Variants in DOCK6 observed in about 807,000 individuals in gnomAD.
DOCK6 encodes dedicator of cytokinesis protein 6.
DOCK6 carries 167 observed loss-of-function variants against 230.3 expected under a neutral mutation model. The observed-to-expected ratio is 0.73, with a 90% CI of 0.64 to 0.82. The LOEUF (loss-of-function observed/expected upper bound fraction) is 0.82, where lower values mean the gene tolerates loss of function less well. Ranked by LOEUF, DOCK6 falls within the 40% of genes least tolerant of loss-of-function variation. DOCK6 has a pLI of 0.00. For synonymous variants in DOCK6, 1,148 were observed against 1,185.0 expected, an observed-to-expected ratio of 0.97 and a Z score of 0.64; for missense variants, 2,598 against 2,825.8, an observed-to-expected ratio of 0.92 and a Z score of 1.83.
Position 11,237,706 on chromosome 19 carries a change from T to C in DOCK6, c.1906A>G (p.Thr636Ala). ...CVTENHHLLF[T>A]FYHVSCQPRP... ...GGCTGGCAGCTGACATGGTAGAAGG[T>C]GAACAGCAGGTGATGGTTCTCTGTC... The change falls in exon 17 of 48, where the codon ACC (threonine) becomes GCC (alanine). Residue 636 changes from threonine to alanine, a missense_variant. Transcript: ENST00000294618. The C allele has an allele frequency of 1.9e-6, 3 of 1,589,908 alleles. No individual in the cohort carries two copies. The highest frequency in any genetic ancestry group is 1.7e-6 in the Non-Finnish European group (2 of 1,168,920).
chr19:11,259,577 A>G lies in DOCK6; in HGVS notation c.44+2820T>C, dbSNP rs1336237038. ...TTTTCTTTTTTTTTTTTTTTTTTTG[A>G]GATGGAGTCTCGCTCTGTCGCTCAG... On this transcript the variant is annotated intron_variant, in intron 1 of 47. Coordinates refer to ENST00000294618, the MANE Select transcript of DOCK6 (RefSeq NM_020812.4). Among the ~76,000 whole-genome samples the G allele has an allele frequency of 9.0e-4, 21 of 23,210 alleles. No homozygotes were observed. In the South Asian group the frequency reaches 0.022, roughly 25 times the overall value. The allele number at this position is 23,210 out of a possible 152,430, so 15.2% of individuals were successfully genotyped here.
Position 11,217,092 on chromosome 19 carries a change from G to T in DOCK6, c.3716C>A (p.Ser1239Tyr). 6.2e-7 allele frequency: 1 copy of T among 1,611,270 alleles called. No homozygotes were observed. Among genetic ancestry groups the T allele is most frequent in the South Asian group, 1.1e-5 (1 of 90,916 alleles). The change falls in exon 30 of 48, where the codon TCT (serine) becomes TAT (tyrosine). Residue 1239 changes from serine (S) to tyrosine (Y), a missense_variant. Physicochemically the swap from Ser to Tyr is moderately radical, Grantham distance 144. Coordinates refer to ENST00000294618, the MANE Select transcript of DOCK6 (RefSeq NM_020812.4). ...ASISQGPPTASRAGCALSAES... is the reference protein window; with the variant it reads ...ASISQGPPTAYRAGCALSAES... ...AGCAGAGAGGGCACAGCCTGCGCGA[G>T]AAGCCTGGGGCCAGAGAGGAATCAA...
chr19:11,243,560 C>G lies in DOCK6; in HGVS notation c.1255G>C (p.Gly419Arg), dbSNP rs1009629543. The G allele has an allele frequency of 6.2e-7, 1 of 1,601,778 alleles. No individual in the cohort carries two copies. Among genetic ancestry groups the G allele is most frequent in the East Asian group, 2.3e-5 (1 of 44,242 alleles). The change falls in exon 11 of 48, where the codon GGC becomes CGC. Residue 419 changes from glycine (G) to arginine (R), a missense_variant. Transcript: ENST00000294618. The surrounding 1 kb of genome is among the most constrained non-coding windows in gnomAD (Gnocchi z 6.3). ...GQLDRDSDSE[G>R]ERRPAWTDRR... ...CCTGTTAGCCCCGCCTCCTCACCGC[C>G]CTCCGAGTCAGAGTCCCGGTCCAGC... is the stretch of plus-strand genomic sequence containing the variant.
At chr19:11,225,506 G>C (rs8101802) in intron 24 of DOCK6, among the ~76,000 whole-genome samples, 49,590 of 151,566 alleles carry the variant, frequency 0.33, 12,403 homozygotes, top group African/African-American at 0.7. Context: ...GGGAACATAG[G>C]AAGACCCCAT....
In DOCK6 at chr19:11,214,585, C is replaced by T. The variant is rs896685523; in HGVS notation, c.4171G>A (p.Val1391Met). The T allele has an allele frequency of 6.2e-7, 1 of 1,613,914 alleles. No individual in the cohort carries two copies. The highest frequency in any genetic ancestry group is 8.5e-7 in the Non-Finnish European group (1 of 1,179,900). The stretch of plus-strand genomic sequence containing the variant: ...ATGATCTCCAGTGTGTCCAGAACCA[C>T]TAGGCTTGCCTCGGTTGCCAGGTTC... ...EGNLATEASL[V>M]VLDTLEIIVQ... Residue 1391 changes from valine (V) to methionine (M), a missense_variant, in exon 33 of 48, where the codon GTG becomes ATG. Transcript: ENST00000294618.
intron 32 of DOCK6, 89 bp from the exon 33 acceptor site, chr19:11,214,738 G>A (rs907849681): frequency 4.1e-6 from 5 of 1,225,776 alleles, no homozygotes; most frequent in Non-Finnish European, 5.9e-6. Context: ...CAGCCCAGGG[G>A]GCACTGGCTC....
At position 11,201,925 on chromosome 19, in the gene DOCK6, G is replaced by A. The variant is rs773952355; in HGVS notation, c.5652C>T (p.Tyr1884=). ...GGCACACACGGATGCGAGTCTTGAT[G>A]TAGGGGAAGGCGTGGTCGGTGCTGA... is the stretch of plus-strand genomic sequence containing the variant. The part of the protein sequence containing the change: ...TLLSTDHAFP[Y]IKTRIRVCHR... Residue 1884 remains tyrosine, a synonymous_variant, in exon 44 of 48, where the codon TAC becomes TAT. Transcript: ENST00000294618. This position sits in a 1 kb window ranked among gnomAD's most constrained non-coding sequence, Gnocchi z 4.3. 3.8e-6 allele frequency: 6 copies of A among 1,597,904 alleles called. No individual in the cohort carries two copies. In the East Asian group the frequency reaches 9.1e-5, roughly 24 times the overall value.
rs991335566 is a variant in DOCK6 at position 11,252,869 on chromosome 19, G to T, written c.222C>A (p.Asp74Glu). ...AGTCATCAGCTGGGAATTCTACCAG[G>T]TCCCTGAGGGGCCCGGGCTCAGCAT... ...PPDAEPGPLR[D>E]LVEFPADDLE... The change falls in exon 3 of 48, where the codon GAC becomes GAA. Residue 74 changes from aspartate (D) to glutamate (E), a missense_variant. Coordinates refer to ENST00000294618, the MANE Select transcript of DOCK6 (RefSeq NM_020812.4). 2.5e-6 allele frequency: 4 copies of T among 1,613,868 alleles called. No homozygotes were observed. The highest frequency in any genetic ancestry group is 3.4e-6 in the Non-Finnish European group (4 of 1,179,846).
intron 7 of DOCK6, 132 bp downstream of exon 7, chr19:11,247,934 G>T: frequency 4.3e-6 from 3 of 702,926 alleles, no homozygotes; most frequent in Non-Finnish European, 7.4e-6. Flanking sequence ...CCCCATAAAA[G>T]CCCATACATA....
chr19:11,226,227 A>C (rs1183913043), intron 24 of DOCK6, among the ~76,000 whole-genome samples: 1 of 152,180 alleles, frequency 6.6e-6, no homozygotes, highest in Non-Finnish European at 1.5e-5. Context: ...GGTGGCTCAG[A>C]TTCAAAAGCC....
chr19:11,240,091 G>T (rs1272255668), intron 14 of DOCK6: 2 of 1,550,676 alleles, frequency 1.3e-6, no homozygotes, highest in Non-Finnish European at 1.7e-6. Flanking sequence ...GGTACACAAA[G>T]ATGAGTTGGA....
rs1301138499 is a variant in DOCK6 at position 11,252,227 on chromosome 19, T to G, written c.399A>C (p.Ala133=). ...VHRRYQYLSA[A]YSPVTTDTQR... ...GTGTGTCTGTGGTGACGGGGCTGTA[T>G]GCTGCACTCAGGTACTGATACCTAG... The change falls in exon 5 of 48, where the codon GCA becomes GCC. Residue 133 remains alanine (A), a synonymous_variant. Coordinates refer to ENST00000294618, the MANE Select transcript of DOCK6 (RefSeq NM_020812.4). 1.9e-6 allele frequency: 3 copies of G among 1,584,598 alleles called. No homozygotes were observed. The highest frequency in any genetic ancestry group is 2.6e-6 in the Non-Finnish European group (3 of 1,165,526).
chr19:11,208,662 T>A, intron 39 of DOCK6, 24 bp downstream of exon 39: 1 of 1,602,116 alleles, frequency 6.2e-7, no homozygotes. Flanking sequence ...CCCCCTCTCC[T>A]GCACCCAGTC....
chr19:11,252,071 A>C (rs750985335), intron 5 of DOCK6, 48 bp downstream of exon 5: 4 of 1,567,700 alleles, frequency 2.6e-6, no homozygotes, highest in Non-Finnish European at 3.5e-6. Context: ...CTGAGGCCGG[A>C]GCCTCCACAC....
rs1239217371 is a variant in DOCK6 at position 11,252,121 on chromosome 19, A to G, written c.505T>C (p.Ser169Pro). The G allele has an allele frequency of 3.1e-6, 5 of 1,589,054 alleles. No individual in the cohort carries two copies. In the South Asian group the frequency reaches 3.5e-5, roughly 11 times the overall value. Residue 169 changes from serine (S) to proline (P), a missense_variant and splice_region_variant, in exon 5 of 48, where the codon TCG (serine) becomes CCG (proline). Transcript: ENST00000294618. ...ACCCCAGCCAGGGGCTTCCTCACCG[A>G]GTCCTCAGGGCCGGACCTCTCGTCT... ...SGDERSGPED[S>P]NDSRRGSGSP...
At chr19:11,211,636 G>GTCC (rs1262306033) in intron 37 of DOCK6, 140 bp downstream of exon 37, 2 of 363,142 alleles carry the variant, frequency 5.5e-6, no homozygotes, top group Non-Finnish European at 9.9e-6. Context: ...CTGCTCACCT[G>GTCC]TCCCCCTCAC....
intron 1 of DOCK6, among the ~76,000 whole-genome samples, chr19:11,256,513 C>A (rs2080200166): frequency 6.6e-6 from 1 of 152,124 alleles, no homozygotes; most frequent in African/African-American, 2.4e-5. Context: ...AGTCTCTCAG[C>A]CTCAGGGCTC....
At position 11,236,748 on chromosome 19, in the gene DOCK6, A is replaced by G. The variant is rs370660040; in HGVS notation, c.2160+45T>C. On this transcript the variant is annotated intron_variant, in intron 19 of 47. Transcript: ENST00000294618. The surrounding 1 kb of genome is among the most constrained non-coding windows in gnomAD (Gnocchi z 5.2). The stretch of plus-strand genomic sequence containing the variant: ...CTGTTACTCAATCGTAGGGCAGGCA[A>G]GAGGGGAGCAGGGCGGGACTCTTGG... 45 of 1,548,928 alleles carry G rather than the reference A, an allele frequency of 2.9e-5. No individual in the cohort carries two copies. The African/African-American group carries it at 4.0e-4, about 14-fold the overall frequency.
At chr19:11,228,879 A>G in intron 23 of DOCK6, 61 bp downstream of exon 23, 2 of 1,554,104 alleles carry the variant, frequency 1.3e-6, no homozygotes, top group South Asian at 2.2e-5. Context: ...TTCTCTCTTT[A>G]AAAAAGGAAG....
Sources: gnomAD v4.1 joint callset for allele counts (sites outside exome capture counted in the v4.1 genomes callset) on GRCh38, gnomAD v4.1.1 for gene constraint, Gnocchi (gnomAD v3.1) non-coding constraint, MANE v1.5 for transcripts, NCBI Gene and HGNC (gene_info 2026-07-23, HGNC 2026-07-21) for gene names.